Variants in PKM observed in about 807,000 individuals in gnomAD.
PKM encodes pyruvate kinase M1/2.
In PKM, 18 loss-of-function variants were observed where a neutral mutation model predicts 49.8. The ratio of observed to expected loss-of-function variants is 0.36; its 90% CI spans 0.25 to 0.54. PKM has a LOEUF of 0.54. PKM is among the 20% of genes least tolerant of loss of function. The pLI, the probability that PKM is intolerant of heterozygous loss-of-function variation, is 0.89. For missense variants in PKM, 508 were observed against 713.8 expected (o/e 0.71, Z 3.28); for synonymous variants, 239 against 261.8 (o/e 0.91, Z 0.84).
chr15:72,227,390 C>T (rs1009424875), intron 1 of PKM, among the ~76,000 whole-genome samples: 2 of 152,288 alleles, frequency 1.3e-5, no homozygotes, highest in East Asian at 3.9e-4. Context: ...AGTCATTTTC[C>T]TCTACTCCGG....
chr15:72,203,204 G>A, intron 8 of PKM: 1 of 1,612,308 alleles, frequency 6.2e-7, no homozygotes, highest in Non-Finnish European at 8.5e-7. Flanking sequence ...AGGTTTAGGG[G>A]AAGAGGGGGC....
At chr15:72,203,866 C>T (rs1339110553) in intron 8 of PKM, 1 of 152,430 alleles carries the variant, frequency 6.6e-6, no homozygotes, top group African/African-American at 2.4e-5. Context: ...TTTAATAAGA[C>T]ACTTGATTAA....
At chr15:72,221,386 G>T in intron 1 of PKM, 1 of 635,912 alleles carries the variant, frequency 1.6e-6, no homozygotes, top group South Asian at 2.0e-5. Flanking sequence ...CTGCTCTAGA[G>T]ATTCCACTGT....
At chr15:72,217,656 G>T (rs114605682) in intron 2 of PKM, among the ~76,000 whole-genome samples, 156 bp from the exon 3 acceptor site, 2 of 152,144 alleles carry the variant, frequency 1.3e-5, no homozygotes, top group Non-Finnish European at 2.9e-5. Context: ...CTACTACCGT[G>T]CCAGCTTACT....
chr15:72,221,323 G>A (rs2082516432), intron 1 of PKM: 1 of 1,261,520 alleles, frequency 7.9e-7, no homozygotes, highest in South Asian at 1.3e-5. Context: ...TGTAACTAAA[G>A]CTCTTTGGGG....
At chr15:72,223,754 T>C (rs914954669) in intron 1 of PKM, among the ~76,000 whole-genome samples, 2 of 152,120 alleles carry the variant, frequency 1.3e-5, no homozygotes, top group Non-Finnish European at 2.9e-5. Context: ...TATTTGCATA[T>C]GGGTGCAGGA....
rs528892793 is a variant in PKM at position 72,220,642 on chromosome 15, C to G, written c.-13-1532G>C. Among the ~76,000 whole-genome samples, 4 of 152,268 alleles carry G rather than the reference C, an allele frequency of 2.6e-5. No individual in the cohort carries two copies. In the South Asian group the frequency reaches 8.3e-4, roughly 32 times the overall value. On this transcript the variant is annotated intron_variant, in intron 1 of 10. Coordinates refer to ENST00000335181, the MANE Select transcript of PKM (RefSeq NM_002654.6). ...TAAGCCCCTAATATCTACTACGTACCAAAATGAAAAAATCAATCCTCCCTT... is the reference window on the plus strand; with the variant it reads ...TAAGCCCCTAATATCTACTACGTACGAAAATGAAAAAATCAATCCTCCCTT...
At chr15:72,230,420 G>T (rs955547661) in intron 1 of PKM, among the ~76,000 whole-genome samples, 1 of 152,224 alleles carries the variant, frequency 6.6e-6, no homozygotes, top group Admixed American at 6.5e-5. Context: ...GAAAAGGGGG[G>T]TGGGACCGCG....
At chr15:72,228,767 G>A (rs1446360747) in intron 1 of PKM, 6 of 438,634 alleles carry the variant, frequency 1.4e-5, no homozygotes, top group Admixed American at 3.1e-5. Flanking sequence ...CAGCAGGGGA[G>A]TCCTGACCTC....
chr15:72,222,159 C>T lies in PKM; in HGVS notation c.-13-3049G>A, dbSNP rs547580817. Among the ~76,000 whole-genome samples the T allele has an allele frequency of 1.2e-4, 19 of 152,328 alleles. No homozygotes were observed. In the South Asian group the frequency reaches 3.7e-3, roughly 30 times the overall value. Reference sequence around the variant, plus strand: ...TCAAATTAAATCTGATGCCTATAAGCTCTAATTTTTTGCCAATAAGTACAA... The same window carrying T: ...TCAAATTAAATCTGATGCCTATAAGTTCTAATTTTTTGCCAATAAGTACAA... On this transcript the variant is annotated intron_variant, in intron 1 of 10. Transcript: ENST00000335181.
chr15:72,225,402 G>A (rs912386180), intron 1 of PKM, among the ~76,000 whole-genome samples: 7 of 151,148 alleles, frequency 4.6e-5, no homozygotes, highest in South Asian at 4.2e-4. Context: ...GGCTGGTCTC[G>A]ACCTCCTGGC....
chr15:72,208,760 C>A lies in PKM; in HGVS notation c.697G>T (p.Val233Phe). ...AACACCATATCAACATCCTGCTCGA[C>A]CCCAAACTTCAGATCCTGGATGTCC... Reference protein sequence around the residue: ...EKDIQDLKFGVEQDVDMVFAS... With the variant: ...EKDIQDLKFGFEQDVDMVFAS... The change falls in exon 6 of 11, where the codon GTC (valine) becomes TTC (phenylalanine). Residue 233 changes from valine (V) to phenylalanine (F), a missense_variant. Val to Phe is a conservative substitution (Grantham distance 50). Transcript: ENST00000335181. 1 of 1,614,164 alleles carries A rather than the reference C, an allele frequency of 6.2e-7. No individual in the cohort carries two copies. Among genetic ancestry groups the A allele is most frequent in the Non-Finnish European group, 8.5e-7 (1 of 1,180,040 alleles).
intron 8 of PKM, among the ~76,000 whole-genome samples, chr15:72,205,646 T>C (rs974121211): frequency 9.9e-5 from 9 of 90,686 alleles, no homozygotes; most frequent in Non-Finnish European, 1.9e-4. Context: ...TTTTTTTTTT[T>C]CTGTTTTTTC....
At chr15:72,227,995 C>G (rs548552794) in intron 1 of PKM, among the ~76,000 whole-genome samples, 1 of 152,186 alleles carries the variant, frequency 6.6e-6, no homozygotes, top group Non-Finnish European at 1.5e-5. Context: ...AAAGTGCTAG[C>G]TGTTTAGAGT....
At chr15:72,229,190 CTAAG>C (rs1218571848) in intron 1 of PKM, among the ~76,000 whole-genome samples, 1 of 152,170 alleles carries the variant, frequency 6.6e-6, no homozygotes, top group African/African-American at 2.4e-5. Context: ...CAATTGTGGA[CTAAG>C]TAATTGTGCT....
At chr15:72,226,182 G>C (rs917741715) in intron 1 of PKM, among the ~76,000 whole-genome samples, 1 of 152,202 alleles carries the variant, frequency 6.6e-6, no homozygotes, top group African/African-American at 2.4e-5. Flanking sequence ...TGACTCCACT[G>C]ATGGGCAGTT....
At chr15:72,208,918 G>A (rs375563823) in intron 5 of PKM, 27 bp from the exon 6 acceptor site, 2 of 1,607,348 alleles carry the variant, frequency 1.2e-6, no homozygotes, top group Non-Finnish European at 1.7e-6. Context: ...AAGTAGGGGA[G>A]GCAGAGCACG....
intron 10 of PKM, 106 bp from the exon 11 acceptor site, chr15:72,199,862 A>G: frequency 1.3e-6 from 1 of 740,946 alleles, no homozygotes; most frequent in Non-Finnish European, 2.5e-6. Flanking sequence ...GCTGACCACT[A>G]CTTCCTCACA....
At chr15:72,227,299 C>T (rs929536915) in intron 1 of PKM, among the ~76,000 whole-genome samples, 12 of 152,202 alleles carry the variant, frequency 7.9e-5, no homozygotes, top group Non-Finnish European at 1.6e-4. Context: ...ACAGGGTCAA[C>T]GCATTCTTGT....
Sources: gnomAD v4.1 joint callset for allele counts (sites outside exome capture counted in the v4.1 genomes callset) on GRCh38, gnomAD v4.1.1 for gene constraint, MANE v1.5 for transcripts, NCBI Gene and HGNC (gene_info 2026-07-23, HGNC 2026-07-21) for gene names.